Variants in ONECUT2 observed in about 807,000 individuals in gnomAD.
ONECUT2 encodes one cut domain family member 2.
In ONECUT2, 10 loss-of-function variants were observed where a neutral mutation model predicts 27.9. The ratio of observed to expected loss-of-function variants is 0.36; its 90% CI spans 0.22 to 0.61. ONECUT2 has a LOEUF of 0.61. ONECUT2 is among the 20% of genes least tolerant of loss of function. The probability of loss-of-function intolerance (pLI) is 0.73; values close to 1 mark genes in which losing one functional copy is unlikely to be tolerated. For missense variants in ONECUT2, 686 were observed against 721.0 expected, an observed-to-expected ratio of 0.95 and a Z score of 0.56; for synonymous variants, 334 against 315.1, an observed-to-expected ratio of 1.06 and a Z score of -0.64.
intron 1 of ONECUT2, among the ~76,000 whole-genome samples, chr18:57,459,225 G>C (rs11872516): frequency 1.3e-5 from 2 of 152,196 alleles, no homozygotes; most frequent in Non-Finnish European, 2.9e-5. Context: ...GACTGAAAGT[G>C]AAAGAGTAGA....
chr18:57,443,081 G>C (rs1308890245), intron 1 of ONECUT2, among the ~76,000 whole-genome samples: 2 of 152,224 alleles, frequency 1.3e-5, no homozygotes, highest in South Asian at 2.1e-4. Context: ...CAGGAAGAAA[G>C]TCCTGGGCTC....
chr18:57,471,721 A>G, intron 1 of ONECUT2, among the ~76,000 whole-genome samples: 1 of 152,230 alleles, frequency 6.6e-6, no homozygotes. Context: ...GCCACAGGAC[A>G]CAACCAGCAT....
At chr18:57,462,552 T>C (rs377691160) in intron 1 of ONECUT2, among the ~76,000 whole-genome samples, 84 of 152,032 alleles carry the variant, frequency 5.5e-4, no homozygotes, top group African/African-American at 2.0e-3. Context: ...CCACGCTGGC[T>C]AACTTCTTAA....
In ONECUT2 at chr18:57,452,734, A is replaced by G. The variant is rs191985353; in HGVS notation, c.1228+15790A>G. ...GCCACCACGCCTGGCCTCAACCTGT[A>G]TTGTAAAATAGGGTTTCACTTTAAA... On this transcript the variant is annotated intron_variant, in intron 1 of 1. Coordinates refer to ENST00000491143, the MANE Select transcript of ONECUT2 (RefSeq NM_004852.3). Among the ~76,000 whole-genome samples the G allele has an allele frequency of 2.7e-3, 410 of 152,310 alleles. 1 individual carries two copies. The highest frequency in any genetic ancestry group is 5.9e-3 in the Admixed American group (90 of 15,302).
intron 1 of ONECUT2, among the ~76,000 whole-genome samples, chr18:57,451,626 C>T (rs1009359312): frequency 6.6e-6 from 1 of 152,232 alleles, no homozygotes; most frequent in Non-Finnish European, 1.5e-5. Flanking sequence ...AGTTCTCCAT[C>T]CCGAGCCTTA....
At chr18:57,475,752 A>G (rs2122152734) in intron 1 of ONECUT2, among the ~76,000 whole-genome samples, 1 of 152,022 alleles carries the variant, frequency 6.6e-6, no homozygotes, top group South Asian at 2.1e-4. Context: ...CCCCACCCTC[A>G]TCCCCTGTCT....
At chr18:57,466,608 T>C (rs1271265718) in intron 1 of ONECUT2, among the ~76,000 whole-genome samples, 1 of 152,178 alleles carries the variant, frequency 6.6e-6, no homozygotes, top group Non-Finnish European at 1.5e-5. Flanking sequence ...GACTGGGAAT[T>C]GTGATTTCAA....
chr18:57,464,397 C>A (rs675110), intron 1 of ONECUT2, among the ~76,000 whole-genome samples: 148,601 of 152,252 alleles, frequency 0.98, 72,615 homozygotes, highest in East Asian at 1. Flanking sequence ...GTGCTTACAC[C>A]CCTCATCTGA....
rs967699892 is a variant in ONECUT2 at position 57,485,073 on chromosome 18, T to C, written c.*8350T>C. ...CCTAGGAAAAACATGTTGATCCCAA[T>C]GATGTGATCACTTTTGAACCTTTCC... On this transcript the variant is annotated 3_prime_UTR_variant, in exon 2 of 2. Transcript: ENST00000491143. 3 of 152,248 alleles carry C rather than the reference T, an allele frequency of 2.0e-5. No homozygotes were observed. The highest frequency in any genetic ancestry group is 4.4e-5 in the Non-Finnish European group (3 of 68,030). 9.4% of individuals were successfully genotyped at this position (152,248 alleles called of 1,614,324 possible). A position where few individuals can be genotyped will look rare whatever the true frequency, so the allele number is the denominator to read the frequency against.
rs1030764731 is a variant in ONECUT2 at position 57,476,961 on chromosome 18, G to C, written c.*238G>C. On this transcript the variant is annotated 3_prime_UTR_variant, in exon 2 of 2. Coordinates refer to ENST00000491143, the MANE Select transcript of ONECUT2 (RefSeq NM_004852.3). Reference sequence around the variant, plus strand: ...CTGAAAAATTAATCTCTTAGAACCAGACACTGTTCTCTGAGCATGCTAAGC... The same window carrying C: ...CTGAAAAATTAATCTCTTAGAACCACACACTGTTCTCTGAGCATGCTAAGC... The C allele has an allele frequency of 5.9e-5, 32 of 545,106 alleles. No individual in the cohort carries two copies. The highest frequency in any genetic ancestry group is 8.7e-5 in the Non-Finnish European group (27 of 309,674). 33.8% of individuals were successfully genotyped at this position (545,106 alleles called of 1,614,324 possible).
At chr18:57,469,543 C>G (rs941349932) in intron 1 of ONECUT2, among the ~76,000 whole-genome samples, 1 of 152,170 alleles carries the variant, frequency 6.6e-6, no homozygotes, top group Admixed American at 6.5e-5. Context: ...GGTCCAAAAC[C>G]TTTTAGGATC....
chr18:57,486,290 C>G lies in ONECUT2; in HGVS notation c.*9567C>G, dbSNP rs1233709016. The G allele has an allele frequency of 6.5e-6, 1 of 152,680 alleles. No homozygotes were observed. The highest frequency in any genetic ancestry group is 2.4e-5 in the African/African-American group (1 of 41,450). 9.5% of individuals were successfully genotyped at this position (152,680 alleles called of 1,614,324 possible). A position where few individuals can be genotyped will look rare whatever the true frequency, so the allele number is the denominator to read the frequency against. ...CTTCCTGTGAATACCTCAGCTTCAACTGGGCCTCCATACAGTCAGTTGGTG... is the reference window on the plus strand; with the variant it reads ...CTTCCTGTGAATACCTCAGCTTCAAGTGGGCCTCCATACAGTCAGTTGGTG... On this transcript the variant is annotated 3_prime_UTR_variant, in exon 2 of 2. Transcript: ENST00000491143.
rs2050444363 is a variant in ONECUT2 at position 57,487,490 on chromosome 18, T to C, written c.*10767T>C. 1 of 152,130 alleles carries C rather than the reference T, an allele frequency of 6.6e-6. No homozygotes were observed. Among genetic ancestry groups the C allele is most frequent in the African/African-American group, 2.4e-5 (1 of 41,418 alleles). 9.4% of individuals were successfully genotyped at this position (152,130 alleles called of 1,614,324 possible). ...AATGGCTATTTTTGACTATGCGTGG[T>C]TTCTTCTCGTATTTTGTGATCAGGT... On this transcript the variant is annotated 3_prime_UTR_variant, in exon 2 of 2. Transcript: ENST00000491143.
At position 57,435,630 on chromosome 18, in the gene ONECUT2, TC is replaced by T; in HGVS notation, c.-84del. 1.2e-6 allele frequency: 1 copy of T among 803,368 alleles called. No homozygotes were observed. Among genetic ancestry groups the T allele is most frequent in the Non-Finnish European group, 1.5e-6 (1 of 681,568 alleles). The allele number at this position is 803,368 out of a possible 1,614,324, so 49.8% of individuals were successfully genotyped here. ...CACTCACTCCCGCGCCCGCCCCCAC[TC>T]CCGCAGCCGAGCCCCGCCACGCGCG... On this transcript the variant is annotated 5_prime_UTR_variant, in exon 1 of 2. Transcript: ENST00000491143.
Position 57,476,494 on chromosome 18 carries a change from C to A in ONECUT2, c.1286C>A (p.Ser429Tyr), listed in dbSNP as rs1303247608. 6.2e-7 allele frequency: 1 copy of A among 1,614,232 alleles called. No homozygotes were observed. Among genetic ancestry groups the A allele is most frequent in the Admixed American group, 1.7e-5 (1 of 60,036 alleles). The change falls in exon 2 of 2, where the codon TCC becomes TAC. Residue 429 changes from serine to tyrosine, a missense_variant. Transcript: ENST00000491143. ...NKDRNNSQKK[S>Y]RLVFTDLQRR... The stretch of plus-strand genomic sequence containing the variant: ...GACAGGAACAATTCCCAGAAGAAGT[C>A]CCGCCTGGTGTTCACTGACCTCCAA...
At position 57,436,717 on chromosome 18, in the gene ONECUT2, A is replaced by G; in HGVS notation, c.1001A>G (p.Asn334Ser). The G allele has an allele frequency of 6.2e-7, 1 of 1,613,802 alleles. No individual in the cohort carries two copies. The highest frequency in any genetic ancestry group is 8.5e-7 in the Non-Finnish European group (1 of 1,180,022). The change falls in exon 1 of 2, where the codon AAC (asparagine) becomes AGC (serine). Residue 334 changes from asparagine (N) to serine (S), a missense_variant. Asn to Ser is a conservative substitution (Grantham distance 46, BLOSUM62 1). Around this residue, in one of 4 missense-constraint regions of ONECUT2, gnomAD observed 511 missense variants for 488.1 expected, o/e 1.05. Coordinates refer to ENST00000491143, the MANE Select transcript of ONECUT2 (RefSeq NM_004852.3). The surrounding 1 kb of genome is among the most constrained non-coding windows in gnomAD (Gnocchi z 5.9). ...VATSGQLEEI[N>S]TKEVAQRITA... Reference sequence around the variant, plus strand: ...ACGTCGGGCCAGCTGGAAGAAATCAACACCAAAGAGGTGGCCCAGCGCATC... The same window carrying G: ...ACGTCGGGCCAGCTGGAAGAAATCAGCACCAAAGAGGTGGCCCAGCGCATC...
chr18:57,439,564 C>T (rs1309509694), intron 1 of ONECUT2, among the ~76,000 whole-genome samples: 1 of 152,226 alleles, frequency 6.6e-6, no homozygotes, highest in African/African-American at 2.4e-5. Flanking sequence ...GACACTGATG[C>T]AGAAGCTGGG....
At chr18:57,449,901 T>C (rs1377515342) in intron 1 of ONECUT2, among the ~76,000 whole-genome samples, 5 of 152,230 alleles carry the variant, frequency 3.3e-5, no homozygotes, top group Non-Finnish European at 5.9e-5. Flanking sequence ...AGAACAGCCT[T>C]GTTGGCTCTG....
Position 57,436,919 on chromosome 18 carries a change from G to A in ONECUT2, c.1203G>A (p.Gln401=). The change falls in exon 1 of 2, where the codon CAG becomes CAA. Residue 401 remains glutamine (Q), a synonymous_variant. Transcript: ENST00000491143. The surrounding 1 kb of genome is among the most constrained non-coding windows in gnomAD (Gnocchi z 5.9). ...MWKWLQEPEF[Q]RMSALRLAAC... ...AGTGGCTTCAGGAGCCCGAGTTCCAGCGCATGTCCGCCTTACGCCTGGCAG... is the reference window on the plus strand; with the variant it reads ...AGTGGCTTCAGGAGCCCGAGTTCCAACGCATGTCCGCCTTACGCCTGGCAG... 6.2e-7 allele frequency: 1 copy of A among 1,608,778 alleles called. No individual in the cohort carries two copies. The highest frequency in any genetic ancestry group is 1.1e-5 in the South Asian group (1 of 90,260).
Sources: gnomAD v4.1 joint callset for allele counts (sites outside exome capture counted in the v4.1 genomes callset) on GRCh38, gnomAD v4.1.1 for gene constraint, gnomAD v4.1.1 regional missense constraint, Gnocchi (gnomAD v3.1) non-coding constraint, MANE v1.5 for transcripts, NCBI Gene and HGNC (gene_info 2026-07-23, HGNC 2026-07-21) for gene names.